PDE5A: variants seen among roughly 807,000 people sequenced by gnomAD.
PDE5A encodes phosphodiesterase 5A.
PDE5A carries 67 observed loss-of-function variants against 110.2 expected under a neutral mutation model. The ratio of observed to expected loss-of-function variants is 0.61; its 90% CI spans 0.50 to 0.75. The LOEUF (loss-of-function observed/expected upper bound fraction) is 0.75. PDE5A is among the 30% of genes least tolerant of loss of function. PDE5A has a pLI of 0.00. For missense variants in PDE5A, 862 were observed against 1,045.1 expected, an observed-to-expected ratio of 0.82 and a Z score of 2.42; for synonymous variants, 328 against 351.2, an observed-to-expected ratio of 0.93 and a Z score of 0.74.
At chr4:119,526,132 A>G (rs531825602) in intron 11 of PDE5A, among the ~76,000 whole-genome samples, 3 of 152,278 alleles carry the variant, frequency 2.0e-5, no homozygotes, top group African/African-American at 7.2e-5. Context: ...TTTTATGGTT[A>G]GTTCTCAGGA....
At chr4:119,587,227 CT>C (rs35539932) in intron 3 of PDE5A, among the ~76,000 whole-genome samples, 99,066 of 134,000 alleles carry the variant, frequency 0.74, 36,541 homozygotes, top group East Asian at 0.87. Context: ...GTAACTTTTC[CT>C]TTTTTTTTTT....
chr4:119,514,483 T>G (rs1199581937), intron 14 of PDE5A, among the ~76,000 whole-genome samples: 1 of 73,440 alleles, frequency 1.4e-5, no homozygotes, highest in Non-Finnish European at 3.3e-5. Flanking sequence ...AATCAACCTT[T>G]TTTTTTTTTT....
chr4:119,509,631 T>G (rs1171498413), intron 15 of PDE5A, among the ~76,000 whole-genome samples: 1 of 152,054 alleles, frequency 6.6e-6, no homozygotes, highest in African/African-American at 2.4e-5. Context: ...ATAGAACGTC[T>G]ATAGTATACT....
chr4:119,601,875 A>G (rs1450256872), intron 2 of PDE5A, among the ~76,000 whole-genome samples: 2 of 152,186 alleles, frequency 1.3e-5, no homozygotes, highest in African/African-American at 4.8e-5. Flanking sequence ...GCTTGAATCT[A>G]TTTGTGAAGG....
chr4:119,518,451 T>C (rs1297598574), intron 14 of PDE5A, among the ~76,000 whole-genome samples: 1 of 152,232 alleles, frequency 6.6e-6, no homozygotes, highest in Non-Finnish European at 1.5e-5. Context: ...TGAGCAGACA[T>C]CTGATGACAG....
Position 119,498,500 on chromosome 4 carries a change from A to C in PDE5A, c.*101T>G. On this transcript the variant is annotated 3_prime_UTR_variant, in exon 21 of 21. Coordinates refer to ENST00000354960, the MANE Select transcript of PDE5A (RefSeq NM_001083.4). ...AATAAAAATACAGCAGTGGCAAAGT[A>C]TATACCAAATACAGACACTATACAG... 7.5e-7 allele frequency: 1 copy of C among 1,330,412 alleles called. No homozygotes were observed. The highest frequency in any genetic ancestry group is 1.0e-6 in the Non-Finnish European group (1 of 955,822). The allele number at this position is 1,330,412 out of a possible 1,614,324, so 82.4% of individuals were successfully genotyped here. A position where few individuals can be genotyped will look rare whatever the true frequency, so the allele number is the denominator to read the frequency against.
chr4:119,569,479 A>T (rs1269251620), intron 3 of PDE5A, among the ~76,000 whole-genome samples: 1 of 151,942 alleles, frequency 6.6e-6, no homozygotes, highest in Admixed American at 6.6e-5. Context: ...TATACCCTGT[A>T]AATTTGTACC....
At chr4:119,628,441 G>A in intron 1 of PDE5A, 79 bp downstream of exon 1, 1 of 1,226,138 alleles carries the variant, frequency 8.2e-7, no homozygotes, top group South Asian at 1.5e-5. Context: ...CAAAGGGCCT[G>A]GGAACAGGGG....
chr4:119,498,669 G>A lies in PDE5A; in HGVS notation c.2560C>T (p.Gln854Ter). ...TTCTCCTGCTGTTCTGCAAGGGCCT[G>A]CCATTTCTGCCTGTTCTTTCTGCAG... ...DGCRKNRQKWQALAEQQEKML... is the reference protein window; with the variant it reads ...DGCRKNRQKW Residue 854 changes from glutamine (Q) to a stop codon, truncating the protein, a stop_gained, in exon 21 of 21, where the codon CAG becomes TAG. Transcript: ENST00000354960. LOFTEE classifies it high-confidence loss of function. 1 of 1,613,938 alleles carries A rather than the reference G, an allele frequency of 6.2e-7. No homozygotes were observed. The highest frequency in any genetic ancestry group is 8.5e-7 in the Non-Finnish European group (1 of 1,179,874).
At chr4:119,543,587 C>T (rs1425768407) in intron 9 of PDE5A, among the ~76,000 whole-genome samples, 1 of 152,146 alleles carries the variant, frequency 6.6e-6, no homozygotes, top group Admixed American at 6.5e-5. Flanking sequence ...AAAGTTACAT[C>T]ATTTGCTCAA....
At position 119,507,700 on chromosome 4, in the gene PDE5A, T is replaced by C. The variant is rs757923661; in HGVS notation, c.2093A>G (p.Asn698Ser). The change falls in exon 16 of 21, where the codon AAT (asparagine) becomes AGT (serine). Residue 698 changes from asparagine (N) to serine (S), a missense_variant. Transcript: ENST00000354960. The stretch of plus-strand genomic sequence containing the variant: ...AATGGAGAGGCCACTGAGAATCTGA[T>C]TGCCCTTTATAAAAAAAGAAAACCA... ...QCLMILNSPG[N>S]QILSGLSIEE... 1.3e-6 allele frequency: 2 copies of C among 1,575,236 alleles called. No homozygotes were observed. The highest frequency in any genetic ancestry group is 2.0e-5 in the Admixed American group (1 of 49,632).
chr4:119,628,634 T>A lies in PDE5A; in HGVS notation c.38A>T (p.Gln13Leu). ...RAGPSFGQQR[Q>L]QQQPQQQKQQ... Reference sequence around the variant, plus strand: ...CTTCTGCTGCTGGGGCTGCTGCTGCTGTCGCTGCTGCCCGAAGCTGGGGCC... The same window carrying A: ...CTTCTGCTGCTGGGGCTGCTGCTGCAGTCGCTGCTGCCCGAAGCTGGGGCC... The change falls in exon 1 of 21, where the codon CAG becomes CTG. Residue 13 changes from glutamine to leucine, a missense_variant. Transcript: ENST00000354960. 1 of 1,613,908 alleles carries A rather than the reference T, an allele frequency of 6.2e-7. No homozygotes were observed. Among genetic ancestry groups the A allele is most frequent in the Non-Finnish European group, 8.5e-7 (1 of 1,179,980 alleles).
At chr4:119,589,866 G>A (rs1402084574) in intron 3 of PDE5A, among the ~76,000 whole-genome samples, 1 of 152,102 alleles carries the variant, frequency 6.6e-6, no homozygotes, top group Non-Finnish European at 1.5e-5. Flanking sequence ...CAGAATACAG[G>A]CAGATCTCCT....
At position 119,538,972 on chromosome 4, in the gene PDE5A, T is replaced by C; in HGVS notation, c.1620A>G (p.Leu540=). The change falls in exon 11 of 21, where the codon CTA becomes CTG. Residue 540 remains leucine (L), a synonymous_variant. Transcript: ENST00000354960. ...AGAGGATAATTACCGCTAACGACTG[T>C]AGCTCTCTTGTTTCTTCCTCTGCTG... ...ASAAEEETRE[L]QSLAAAVVPS... 1 of 1,612,280 alleles carries C rather than the reference T, an allele frequency of 6.2e-7. No individual in the cohort carries two copies. The highest frequency in any genetic ancestry group is 8.5e-7 in the Non-Finnish European group (1 of 1,178,496).
At chr4:119,574,179 C>CCT (rs71597005) in intron 3 of PDE5A, among the ~76,000 whole-genome samples, 1 of 89,200 alleles carries the variant, frequency 1.1e-5, no homozygotes, top group East Asian at 3.9e-4. Context: ...AAAATATAGG[C>CCT]TTTTTTTTTT....
intron 3 of PDE5A, among the ~76,000 whole-genome samples, chr4:119,580,604 C>T (rs1199718530): frequency 6.6e-6 from 1 of 152,186 alleles, no homozygotes; most frequent in Non-Finnish European, 1.5e-5. Context: ...TTCCTCATCT[C>T]ACTAGGAATT....
chr4:119,561,160 C>T (rs1727734668), intron 6 of PDE5A, among the ~76,000 whole-genome samples: 1 of 151,848 alleles, frequency 6.6e-6, no homozygotes, highest in Non-Finnish European at 1.5e-5. Flanking sequence ...TTTTTTAAAT[C>T]ACATTAAAAA....
intron 1 of PDE5A, among the ~76,000 whole-genome samples, chr4:119,614,646 A>G (rs1396700188): frequency 6.6e-6 from 1 of 152,188 alleles, no homozygotes; most frequent in Non-Finnish European, 1.5e-5. Context: ...AGAGCATAAA[A>G]TATCTCCTTA....
Position 119,627,223 on chromosome 4 carries a change from A to G in PDE5A, c.152+1297T>C. On this transcript the variant is annotated intron_variant, in intron 1 of 20. Transcript: ENST00000354960. The surrounding 1 kb of genome is among the most constrained non-coding windows in gnomAD (Gnocchi z 4.6). ...TCGAACTCCGCCGATCCTGGACTCC[A>G]GGAGGCTCCGTAGGGGCAACAACGC... 6.2e-7 allele frequency: 1 copy of G among 1,610,788 alleles called. No homozygotes were observed.
Sources: allele counts gnomAD v4.1 joint callset (sites outside exome capture counted in the v4.1 genomes callset), GRCh38; gene constraint gnomAD v4.1.1; non-coding constraint Gnocchi (gnomAD v3.1); transcripts MANE v1.5; gene names NCBI Gene and HGNC (gene_info 2026-07-23, HGNC 2026-07-21).